SPIDR: variants seen among roughly 807,000 people sequenced by gnomAD.
The protein encoded by SPIDR is scaffold protein involved in DNA repair, also known as DNA repair-scaffolding protein.
SPIDR carries 93 observed loss-of-function variants against 104.6 expected under a neutral mutation model. The ratio of observed to expected loss-of-function variants is 0.89; its 90% confidence interval spans 0.75 to 1.06. The LOEUF is 1.06. SPIDR is among the 50% of genes least tolerant of loss of function. The pLI, the probability that SPIDR is intolerant of heterozygous loss-of-function variation, is 0.00. For synonymous variants in SPIDR, 431 were observed against 416.9 expected (o/e 1.03, Z -0.41); for missense variants, 1,154 against 1,111.2 (o/e 1.04, Z -0.55).
At chr8:47,473,365 G>A (rs1426992031) in intron 8 of SPIDR, among the ~76,000 whole-genome samples, 3 of 152,168 alleles carry the variant, frequency 2.0e-5, no homozygotes, top group Non-Finnish European at 4.4e-5. Flanking sequence ...GATTAGGATA[G>A]AGATGGCCTT....
At chr8:47,548,371 A>T (rs1345260670) in intron 8 of SPIDR, among the ~76,000 whole-genome samples, 1 of 152,200 alleles carries the variant, frequency 6.6e-6, no homozygotes, top group Non-Finnish European at 1.5e-5. Flanking sequence ...AAATTGGCTG[A>T]ATGTGGTGGC....
chr8:47,400,786 A>C (rs1445230931), intron 6 of SPIDR, among the ~76,000 whole-genome samples: 1 of 151,416 alleles, frequency 6.6e-6, no homozygotes, highest in African/African-American at 2.4e-5. Flanking sequence ...AGCTATATAT[A>C]TCTCCCCAGT....
At chr8:47,640,060 A>G (rs1225700683) in intron 10 of SPIDR, among the ~76,000 whole-genome samples, 1 of 152,210 alleles carries the variant, frequency 6.6e-6, no homozygotes, top group African/African-American at 2.4e-5. Context: ...CCCCAGAGCC[A>G]CAGCCGACAG....
chr8:47,390,365 T>C (rs1031624314), intron 5 of SPIDR, among the ~76,000 whole-genome samples: 5 of 152,050 alleles, frequency 3.3e-5, no homozygotes, highest in Admixed American at 1.3e-4. Context: ...CTCTTAAGTG[T>C]CTACCAACAG....
Position 47,328,433 on chromosome 8 carries a change from T to C in SPIDR, c.525+34403T>C, listed in dbSNP as rs568455536. Among the ~76,000 whole-genome samples, 110 of 151,240 alleles carry C rather than the reference T, an allele frequency of 7.3e-4. No individual in the cohort carries two copies. The South Asian group carries it at 0.013, about 18-fold the overall frequency. ...TGGCTAATTATTTTTTTTTTTTTTT[T>C]CAGAGATGGGGTCTTGCTATGTTAT... On this transcript the variant is annotated intron_variant, in intron 5 of 19. Transcript: ENST00000297423.
At chr8:47,511,822 C>T (rs993587782) in intron 8 of SPIDR, 9 of 941,698 alleles carry the variant, frequency 9.6e-6, no homozygotes, top group Non-Finnish European at 1.2e-5. Context: ...TCTGGGAGGG[C>T]CAACAATCTG....
intron 11 of SPIDR, among the ~76,000 whole-genome samples, chr8:47,698,516 TA>T: frequency 6.6e-6 from 1 of 152,372 alleles, no homozygotes; most frequent in East Asian, 1.9e-4. Flanking sequence ...TTTATGAGAC[TA>T]AGCATTTTAT....
chr8:47,577,718 G>C (rs1161305927), intron 8 of SPIDR, among the ~76,000 whole-genome samples: 1 of 152,184 alleles, frequency 6.6e-6, no homozygotes, highest in African/African-American at 2.4e-5. Context: ...AAATGGTCTT[G>C]TGTGGGTTTT....
At chr8:47,337,102 A>T (rs541778959) in intron 5 of SPIDR, among the ~76,000 whole-genome samples, 1 of 151,892 alleles carries the variant, frequency 6.6e-6, no homozygotes, top group African/African-American at 2.4e-5. Flanking sequence ...CCATTTTTCA[A>T]TTGGCTTGTG....
Position 47,712,071 on chromosome 8 carries a change from C to T in SPIDR, c.1978-591C>T, listed in dbSNP as rs558974290. ...ATTTGCGTCTACTGAATCCTAAGCC[C>T]TGACCAAAAGGAAAGGGCAGAATAC... is the stretch of plus-strand genomic sequence containing the variant. On this transcript the variant is annotated intron_variant, in intron 14 of 19. Transcript: ENST00000297423. 2.6e-5 allele frequency among the ~76,000 whole-genome samples: 4 copies of T among 152,170 alleles called. No homozygotes were observed. The East Asian group carries it at 7.7e-4, about 29-fold the overall frequency.
intron 11 of SPIDR, 71 bp downstream of exon 11, chr8:47,674,012 A>G (rs2076118129): frequency 1.3e-6 from 2 of 1,522,946 alleles, no homozygotes; most frequent in Non-Finnish European, 8.8e-7. Flanking sequence ...TTTGTCTCTA[A>G]TTTTATTTTT....
chr8:47,576,220 C>T (rs544521359), intron 8 of SPIDR, among the ~76,000 whole-genome samples: 3 of 152,244 alleles, frequency 2.0e-5, no homozygotes, highest in Admixed American at 1.3e-4. Context: ...GGCACAATTT[C>T]AGCTCACTGC....
At chr8:47,611,220 A>T (rs1247901356) in intron 10 of SPIDR, among the ~76,000 whole-genome samples, 2 of 152,172 alleles carry the variant, frequency 1.3e-5, no homozygotes, top group Non-Finnish European at 2.9e-5. Flanking sequence ...AATTGCCAGG[A>T]ATACTCTGCT....
chr8:47,423,877 T>C (rs1191097979), intron 7 of SPIDR, among the ~76,000 whole-genome samples: 1 of 152,236 alleles, frequency 6.6e-6, no homozygotes, highest in Non-Finnish European at 1.5e-5. Flanking sequence ...ATTTTTCTTT[T>C]TTTAAAAGAG....
At chr8:47,284,133 G>A in intron 3 of SPIDR, 39 bp downstream of exon 3, 2 of 1,498,280 alleles carry the variant, frequency 1.3e-6, no homozygotes, top group Non-Finnish European at 1.8e-6. Context: ...GAAGATATAA[G>A]ACTAATAAAT....
At chr8:47,681,157 G>A (rs2077049763) in intron 11 of SPIDR, among the ~76,000 whole-genome samples, 1 of 152,228 alleles carries the variant, frequency 6.6e-6, no homozygotes, top group Non-Finnish European at 1.5e-5. Flanking sequence ...GCAGCATGCT[G>A]TTACTTCAAG....
intron 8 of SPIDR, among the ~76,000 whole-genome samples, chr8:47,489,595 T>C (rs2078312444): frequency 1.3e-5 from 2 of 152,210 alleles, no homozygotes; most frequent in South Asian, 2.1e-4. Context: ...TATTTGACTT[T>C]AAACTATACT....
At chr8:47,522,051 C>T (rs902989953) in intron 8 of SPIDR, among the ~76,000 whole-genome samples, 1 of 151,792 alleles carries the variant, frequency 6.6e-6, no homozygotes, top group Non-Finnish European at 1.5e-5. Context: ...GTAATCCCAG[C>T]TACTGGGAAG....
intron 5 of SPIDR, among the ~76,000 whole-genome samples, chr8:47,314,400 A>G (rs1586802588): frequency 6.6e-6 from 1 of 152,300 alleles, no homozygotes; most frequent in Middle Eastern, 3.4e-3. Flanking sequence ...TCATACTGCT[A>G]ATAAAGACAT....
Sources: gnomAD v4.1 joint callset for allele counts (sites outside exome capture counted in the v4.1 genomes callset) on GRCh38, gnomAD v4.1.1 for gene constraint, MANE v1.5 for transcripts, NCBI Gene and HGNC (gene_info 2026-07-23, HGNC 2026-07-21) for gene names.